The following UTRN variants were observed in gnomAD, a reference collection of about 807,000 sequenced individuals.
The protein encoded by UTRN is dystrophin-related protein 1.
In UTRN, 283 loss-of-function variants were observed where a neutral mutation model predicts 463.9. That is an observed-to-expected ratio of 0.61 (90% CI 0.55 to 0.67). The LOEUF (loss-of-function observed/expected upper bound fraction) is 0.67. Ranked by LOEUF, UTRN falls within the 30% of genes least tolerant of loss-of-function variation. The probability of loss-of-function intolerance (pLI) is 0.00; values close to 1 mark genes in which losing one functional copy is unlikely to be tolerated. For synonymous variants in UTRN, 1,442 were observed against 1,431.5 expected (o/e 1.01, Z -0.17); for missense variants, 3,922 against 4,084.3 (o/e 0.96, Z 1.08).
chr6:144,794,631 A>G (rs1321032459), intron 63 of UTRN, among the ~76,000 whole-genome samples: 1 of 152,218 alleles, frequency 6.6e-6, no homozygotes, highest in Non-Finnish European at 1.5e-5. Context: ...GACAAGGACT[A>G]CGGCTATCAT....
At chr6:144,647,278 T>C (rs1778397409) in intron 51 of UTRN, among the ~76,000 whole-genome samples, 2 of 152,236 alleles carry the variant, frequency 1.3e-5, no homozygotes, top group African/African-American at 4.8e-5. Context: ...ATTGTGAATC[T>C]GCTCATACTT....
In UTRN at chr6:144,819,909, C is replaced by G. The variant is rs370648429; in HGVS notation, c.9358-973C>G. On this transcript the variant is annotated intron_variant, in intron 65 of 74. Transcript: ENST00000367545. Reference sequence around the variant, plus strand: ...CCTCCTCCTCCTCCTCCTCCTCCTCCTCCTCTCTCTCTCTCTCTCTCTCTT... The same window carrying G: ...CCTCCTCCTCCTCCTCCTCCTCCTCGTCCTCTCTCTCTCTCTCTCTCTCTT... Among the ~76,000 whole-genome samples, 20 of 105,658 alleles carry G rather than the reference C, an allele frequency of 1.9e-4. No individual in the cohort carries two copies. In the East Asian group the frequency reaches 6.5e-3, roughly 35 times the overall value. The allele number at this position is 105,658 out of a possible 152,430, so 69.3% of individuals were successfully genotyped here.
chr6:144,332,048 G>T (rs536341865), intron 2 of UTRN, among the ~76,000 whole-genome samples: 22 of 152,266 alleles, frequency 1.4e-4, no homozygotes, highest in African/African-American at 5.3e-4. Flanking sequence ...CCTCCACCTG[G>T]AATACCGGCC....
intron 23 of UTRN, among the ~76,000 whole-genome samples, chr6:144,471,554 TC>T (rs1414007231): frequency 2.6e-5 from 4 of 152,234 alleles, no homozygotes; most frequent in Admixed American, 2.6e-4. Flanking sequence ...ACACTTTCTC[TC>T]TTTTTGCACT....
At chr6:144,678,671 C>G (rs976258405) in intron 52 of UTRN, 93 bp downstream of exon 52, 1 of 1,128,352 alleles carries the variant, frequency 8.9e-7, no homozygotes, top group African/African-American at 1.6e-5. Flanking sequence ...CGCAGCCTTA[C>G]CACCACTTCT....
At chr6:144,395,524 A>G (rs529689047) in intron 2 of UTRN, among the ~76,000 whole-genome samples, 1 of 152,238 alleles carries the variant, frequency 6.6e-6, no homozygotes, top group Admixed American at 6.5e-5. Flanking sequence ...GTGCAAGTAG[A>G]AAAACATTAT....
chr6:144,809,745 C>G (rs970893112), intron 65 of UTRN, among the ~76,000 whole-genome samples: 1 of 151,932 alleles, frequency 6.6e-6, no homozygotes, highest in African/African-American at 2.4e-5. Flanking sequence ...AGATGATAGC[C>G]CTGTCTGGCG....
At chr6:144,499,492 C>G in intron 34 of UTRN, 65 bp downstream of exon 34, 1 of 1,431,480 alleles carries the variant, frequency 7.0e-7, no homozygotes, top group East Asian at 2.4e-5. Context: ...GTTCGGGCGA[C>G]CTGGTTGGAT....
At chr6:144,287,205 A>G (rs1803771119) in intron 1 of UTRN, among the ~76,000 whole-genome samples, 1 of 152,140 alleles carries the variant, frequency 6.6e-6, no homozygotes, top group Non-Finnish European at 1.5e-5. Flanking sequence ...TTCTGCGGTG[A>G]CGGACAGGGT....
At chr6:144,319,225 G>T (rs1775476519) in intron 2 of UTRN, among the ~76,000 whole-genome samples, 1 of 151,756 alleles carries the variant, frequency 6.6e-6, no homozygotes, top group South Asian at 2.1e-4. Context: ...GTGGCCCAGG[G>T]TAGTCTGTCT....
chr6:144,671,809 T>C (rs927839013), intron 51 of UTRN, among the ~76,000 whole-genome samples: 8 of 152,082 alleles, frequency 5.3e-5, no homozygotes, highest in Admixed American at 3.9e-4. Flanking sequence ...ATAGGTGGCT[T>C]TTATTACCTT....
intron 34 of UTRN, among the ~76,000 whole-genome samples, chr6:144,508,781 G>A (rs182216590): frequency 4.2e-4 from 64 of 152,232 alleles, no homozygotes; most frequent in Admixed American, 3.3e-3. Flanking sequence ...CGTGAGGTAA[G>A]GCTCTAACCT....
rs1437067932 is a variant in UTRN, at chr6:144,803,051, G to A, written c.9261G>A (p.Lys3087=). The A allele has an allele frequency of 2.5e-6, 4 of 1,578,910 alleles. No individual in the cohort carries two copies. Among genetic ancestry groups the A allele is most frequent in the Admixed American group, 3.7e-5 (2 of 53,664 alleles). The change falls in exon 65 of 75, where the codon AAG becomes AAA. Residue 3087 remains lysine (K), a synonymous_variant. Transcript: ENST00000367545. The part of the protein sequence containing the change: ...PIVGFRYRSL[K]HFNYDVCQSC... ...TTTTCTCTAGGTATAGAAGCCTTAA[G>A]CATTTTAACTATGATGTCTGCCAGA...
At position 144,548,567 on chromosome 6, in the gene UTRN, G is replaced by A. The variant is rs542334804; in HGVS notation, c.6596-73G>A. The stretch of plus-strand genomic sequence containing the variant: ...AAATTTTATTTAAATACACATACAC[G>A]TGTCACCATGACACCACCATAATTA... On this transcript the variant is annotated intron_variant, in intron 46 of 74. Coordinates refer to ENST00000367545, the MANE Select transcript of UTRN (RefSeq NM_007124.3). The A allele has an allele frequency of 2.4e-4, 339 of 1,407,716 alleles. 4 individuals are homozygous for A. In the South Asian group the frequency reaches 4.1e-3, roughly 17 times the overall value. 87.2% of individuals were successfully genotyped at this position (1,407,716 alleles called of 1,614,324 possible).
intron 54 of UTRN, among the ~76,000 whole-genome samples, chr6:144,732,245 T>TATATATAC (rs1788676808): frequency 1.4e-4 from 15 of 108,386 alleles, no homozygotes; most frequent in African/African-American, 5.4e-4. Flanking sequence ...TATACATATA[T>TATATATAC]ATATATATAT....
intron 23 of UTRN, among the ~76,000 whole-genome samples, chr6:144,468,592 ATG>A (rs1002248406): frequency 5.5e-4 from 80 of 146,154 alleles, no homozygotes; most frequent in Middle Eastern, 3.5e-3. Context: ...CCTTAAAGAA[ATG>A]TGTGTGTGTG....
At chr6:144,828,979 C>A in intron 69 of UTRN, 124 bp downstream of exon 69, 2 of 1,069,664 alleles carry the variant, frequency 1.9e-6, no homozygotes, top group Non-Finnish European at 2.8e-6. Context: ...AGTGTGGTTC[C>A]AAAAATTTCT....
At chr6:144,405,500 T>TC (rs1258765798) in intron 3 of UTRN, among the ~76,000 whole-genome samples, 1 of 152,066 alleles carries the variant, frequency 6.6e-6, no homozygotes, top group Admixed American at 6.6e-5. Context: ...AAAAAATAAA[T>TC]CCCGTTGAAG....
At chr6:144,736,457 TC>T (rs1395778707) in intron 54 of UTRN, among the ~76,000 whole-genome samples, 2 of 152,178 alleles carry the variant, frequency 1.3e-5, no homozygotes, top group Non-Finnish European at 2.9e-5. Flanking sequence ...CTTTTTTTCT[TC>T]CAGTTCCTTT....
Sources: gnomAD v4.1 joint callset for allele counts (sites outside exome capture counted in the v4.1 genomes callset) on GRCh38, gnomAD v4.1.1 for gene constraint, MANE v1.5 for transcripts, NCBI Gene and HGNC (gene_info 2026-07-23, HGNC 2026-07-21) for gene names.